The following C12orf54 variants were observed in gnomAD, a reference collection of about 807,000 sequenced individuals.
The protein encoded by C12orf54 is chromosome 12 open reading frame 54.
Under a neutral mutation model 26.4 loss-of-function variants are expected in C12orf54, and 24 were observed. The observed-to-expected ratio is 0.91, with a 90% CI of 0.66 to 1.28. The LOEUF is 1.28. Ranked by LOEUF, C12orf54 falls within the 50% of genes most tolerant of loss-of-function variation. The pLI, the probability that C12orf54 is intolerant of heterozygous loss-of-function variation, is 0.00. For missense variants in C12orf54, 154 were observed against 150.9 expected (o/e 1.02, Z -0.11); for synonymous variants, 54 against 47.0 (o/e 1.15, Z -0.61).
chr12:48,423,442 G>A, the C12orf54 span, among the ~76,000 whole-genome samples: 1 of 152,146 alleles, frequency 6.6e-6, no homozygotes, highest in East Asian at 1.9e-4. Context: ...AGAAGATTAA[G>A]TATAGGCAAA....
At chr12:48,431,571 A>T in the C12orf54 span, among the ~76,000 whole-genome samples, 2 of 152,208 alleles carry the variant, frequency 1.3e-5, no homozygotes, top group African/African-American at 2.4e-5. Flanking sequence ...CAAGTGTACA[A>T]TAATCATCAA....
the C12orf54 span, among the ~76,000 whole-genome samples, chr12:48,414,775 C>G: frequency 1.3e-5 from 2 of 152,138 alleles, no homozygotes; most frequent in Non-Finnish European, 2.9e-5. Context: ...CTTTTGTGGT[C>G]TAGGGAAAGA....
At chr12:48,469,666 G>A in the C12orf54 span, among the ~76,000 whole-genome samples, 1 of 152,224 alleles carries the variant, frequency 6.6e-6, no homozygotes, top group East Asian at 1.9e-4. Flanking sequence ...GATTGGGGAA[G>A]TGATAAGTGT....
the C12orf54 span, among the ~76,000 whole-genome samples, chr12:48,427,034 G>A: frequency 6.6e-6 from 1 of 152,286 alleles, no homozygotes; most frequent in South Asian, 2.1e-4. Context: ...AACAGCGATA[G>A]TTTGACTGCT....
In C12orf54 at chr12:48,494,742, C is replaced by G; in HGVS notation, c.243-56C>G. On this transcript the variant is annotated intron_variant, in intron 7 of 8. Transcript: ENST00000548364. The stretch of plus-strand genomic sequence containing the variant: ...AGGGCAGTGGAGGCCAGGAAGGGAA[C>G]TGAAAGGGTAAGATCTCTTTCCCTC... 3 of 1,565,488 alleles carry G rather than the reference C, an allele frequency of 1.9e-6. No homozygotes were observed. The South Asian group carries it at 3.4e-5, about 18-fold the overall frequency.
chr12:48,486,244 G>A, intron 3 of C12orf54, 36 bp downstream of exon 3: 3 of 1,590,882 alleles, frequency 1.9e-6, no homozygotes, highest in Non-Finnish European at 2.6e-6. Context: ...GATCCTCTGG[G>A]GCTTCTAATT....
chr12:48,477,625 G>A (rs570298382), upstream of C12orf54, among the ~76,000 whole-genome samples: 7 of 152,238 alleles, frequency 4.6e-5, no homozygotes, highest in Admixed American at 6.5e-5. Context: ...ACACCTCTAC[G>A]CAAATAAACT....
At chr12:48,450,298 T>C in the C12orf54 span, among the ~76,000 whole-genome samples, 1 of 152,094 alleles carries the variant, frequency 6.6e-6, no homozygotes, top group Admixed American at 6.6e-5. Context: ...GCACAAAAGA[T>C]ACAACATACC....
the C12orf54 span, among the ~76,000 whole-genome samples, chr12:48,477,254 G>C: frequency 0.15 from 22,370 of 152,054 alleles, 2,847 homozygotes; most frequent in East Asian, 0.66. Flanking sequence ...GCAGTGTGTA[G>C]AGGGAAATTT....
At chr12:48,448,923 A>G in the C12orf54 span, among the ~76,000 whole-genome samples, 27 of 152,214 alleles carry the variant, frequency 1.8e-4, no homozygotes, top group Non-Finnish European at 3.4e-4. Flanking sequence ...TGAGACATCA[A>G]TCAAATACAA....
intron 5 of C12orf54, among the ~76,000 whole-genome samples, chr12:48,489,938 T>C (rs1437752839): frequency 6.6e-6 from 1 of 151,914 alleles, no homozygotes; most frequent in Admixed American, 6.6e-5. Context: ...ATCAGGCTGG[T>C]CTTGAACTCC....
chr12:48,447,806 A>G, the C12orf54 span, among the ~76,000 whole-genome samples: 12 of 152,220 alleles, frequency 7.9e-5, no homozygotes, highest in Non-Finnish European at 4.4e-5. Context: ...ATCTTGGATT[A>G]TCCAGGTGGA....
At chr12:48,436,505 G>A in the C12orf54 span, among the ~76,000 whole-genome samples, 3 of 152,072 alleles carry the variant, frequency 2.0e-5, no homozygotes, top group Non-Finnish European at 4.4e-5. Flanking sequence ...CCACATAGTT[G>A]GAAGTAAAGC....
the C12orf54 span, among the ~76,000 whole-genome samples, chr12:48,450,249 A>G: frequency 6.6e-6 from 1 of 152,210 alleles, no homozygotes; most frequent in Non-Finnish European, 1.5e-5. Context: ...TAAATAATGA[A>G]ATTAAGGCAG....
upstream of C12orf54, among the ~76,000 whole-genome samples, chr12:48,479,575 T>G (rs936408818): frequency 6.6e-6 from 1 of 151,472 alleles, no homozygotes; most frequent in African/African-American, 2.4e-5. Flanking sequence ...GCTGGAGGCG[T>G]TGCTACATGT....
At chr12:48,415,518 T>C in the C12orf54 span, among the ~76,000 whole-genome samples, 1 of 152,340 alleles carries the variant, frequency 6.6e-6, no homozygotes, top group South Asian at 2.1e-4. Flanking sequence ...TCTCTATTCT[T>C]GAAGCACTCT....
chr12:48,452,015 T>G, the C12orf54 span, among the ~76,000 whole-genome samples: 5 of 151,932 alleles, frequency 3.3e-5, no homozygotes, highest in African/African-American at 4.8e-5. Flanking sequence ...AAAAAAGAAC[T>G]CAAGTGGCCA....
chr12:48,455,589 G>A, the C12orf54 span, among the ~76,000 whole-genome samples: 11 of 152,148 alleles, frequency 7.2e-5, no homozygotes, highest in African/African-American at 2.7e-4. Context: ...AGATCTTCCA[G>A]GTTTTGGAGC....
chr12:48,423,688 T>C, the C12orf54 span, among the ~76,000 whole-genome samples: 1 of 152,112 alleles, frequency 6.6e-6, no homozygotes, highest in East Asian at 1.9e-4. Flanking sequence ...AGAAATACAA[T>C]TGATTTTTAA....
Sources: gnomAD v4.1 joint callset for allele counts (sites outside exome capture counted in the v4.1 genomes callset) on GRCh38, gnomAD v4.1.1 for gene constraint, MANE v1.5 for transcripts, NCBI Gene and HGNC (gene_info 2026-07-23, HGNC 2026-07-21) for gene names.